The following TET3 variants were observed in gnomAD, a reference collection of about 807,000 sequenced individuals.
TET3 encodes methylcytosine dioxygenase TET3.
A neutral mutation model predicts 141.4 loss-of-function variants in TET3; 19 were observed. The ratio of observed to expected loss-of-function variants is 0.13; its 90% CI spans 0.09 to 0.20. TET3 has a LOEUF of 0.20. Among genes scored for constraint, TET3 ranks in the 10% least tolerant of loss-of-function variants. The probability of loss-of-function intolerance (pLI) is 1.00; values close to 1 mark genes in which losing one functional copy is unlikely to be tolerated. For missense variants in TET3, 1,874 were observed against 2,356.9 expected, an observed-to-expected ratio of 0.80 and a Z score of 4.24; for synonymous variants, 1,043 against 980.9, an observed-to-expected ratio of 1.06 and a Z score of -1.18.
Position 74,058,865 on chromosome 2 carries a change from G to GA in TET3, c.2494+10463dup, listed in dbSNP as rs200470897. ...GGGGTTTTTATGTTTTTAAATGGTT[G>GA]AAAAAAAAAGTCAGTTGAAGAATAA... On this transcript the variant is annotated intron_variant, in intron 4 of 11. Transcript: ENST00000409262. 4.6e-5 allele frequency among the ~76,000 whole-genome samples: 7 copies of GA among 150,742 alleles called. No individual in the cohort carries two copies. In the East Asian group the frequency reaches 7.8e-4, roughly 17 times the overall value.
At chr2:74,005,110 C>A (rs1203754031) in intron 3 of TET3, among the ~76,000 whole-genome samples, 2 of 152,178 alleles carry the variant, frequency 1.3e-5, no homozygotes, top group South Asian at 2.1e-4. Context: ...CTGGCAGACC[C>A]GCTTCTCTTC....
chr2:74,048,687 T>A (rs1463788662), intron 4 of TET3, among the ~76,000 whole-genome samples: 4 of 152,046 alleles, frequency 2.6e-5, no homozygotes, highest in Non-Finnish European at 4.4e-5. Context: ...TTGTAGGAGG[T>A]AGTACTTGCG....
chr2:74,118,807 G>A, the TET3 span, among the ~76,000 whole-genome samples: 4 of 152,116 alleles, frequency 2.6e-5, no homozygotes, highest in African/African-American at 7.2e-5. Context: ...TTGTCTGTAT[G>A]TCCTAAGAAC....
intron 6 of TET3, among the ~76,000 whole-genome samples, chr2:74,085,298 C>T (rs1023908881): frequency 8.5e-5 from 13 of 152,186 alleles, no homozygotes; most frequent in African/African-American, 3.1e-4. Context: ...GGCAATAAGG[C>T]CTGGCCTCCC....
chr2:74,114,018 A>G, the TET3 span, among the ~76,000 whole-genome samples: 1 of 152,362 alleles, frequency 6.6e-6, no homozygotes, highest in African/African-American at 2.4e-5. Flanking sequence ...CAAAAAGAAC[A>G]AATCTGGAGG....
At position 74,093,950 on chromosome 2, in the gene TET3, G is replaced by C. The variant is rs1690656034; in HGVS notation, c.3267+284G>C. On this transcript the variant is annotated intron_variant, in intron 10 of 11. Transcript: ENST00000409262. This position sits in a 1 kb window ranked among gnomAD's most constrained non-coding sequence, Gnocchi z 4.2. ...TGGAGTGCCCAGTTATCTAAAGCGT[G>C]GGCCCCGGTCTCTGTGGACACTTGG... is the stretch of plus-strand genomic sequence containing the variant. Among the ~76,000 whole-genome samples the C allele has an allele frequency of 6.6e-6, 1 of 152,218 alleles. No individual in the cohort carries two copies. Among genetic ancestry groups the C allele is most frequent in the Admixed American group, 6.5e-5 (1 of 15,280 alleles).
At chr2:74,002,795 G>T in intron 2 of TET3, 1 of 568,924 alleles carries the variant, frequency 1.8e-6, no homozygotes, top group Non-Finnish European at 3.1e-6. Flanking sequence ...AGAGGAGGCC[G>T]GCCGAGGTAG....
chr2:74,080,912 G>A (rs941955825), intron 6 of TET3, among the ~76,000 whole-genome samples: 25 of 152,198 alleles, frequency 1.6e-4, no homozygotes, highest in East Asian at 5.8e-4. Flanking sequence ...GCTCAGGGCC[G>A]GAGGGGTAGG....
Position 74,101,227 on chromosome 2 carries a change from T to G in TET3, c.4439T>G (p.Leu1480Arg), listed in dbSNP as rs1401951407. The G allele has an allele frequency of 6.2e-7, 1 of 1,612,938 alleles. No individual in the cohort carries two copies. Among genetic ancestry groups the G allele is most frequent in the East Asian group, 2.2e-5 (1 of 44,852 alleles). The stretch of plus-strand genomic sequence containing the variant: ...CTCAGTTCCTTTGGGGCCAGCTGCC[T>G]GGCCCCTTCCCACTTCACAGATGGC... ...DKLSSFGASC[L>R]APSHFTDGQW... The change falls in exon 12 of 12, where the codon CTG becomes CGG. Residue 1480 changes from leucine to arginine, a missense_variant. Leu to Arg is a moderately radical substitution (Grantham distance 102, BLOSUM62 -2). Transcript: ENST00000409262. The surrounding 1 kb of genome is among the most constrained non-coding windows in gnomAD (Gnocchi z 8.5).
intron 3 of TET3, among the ~76,000 whole-genome samples, chr2:74,023,491 C>T (rs1686171873): frequency 6.6e-6 from 1 of 152,184 alleles, no homozygotes; most frequent in Non-Finnish European, 1.5e-5. Flanking sequence ...GATCGTCCTC[C>T]CTCGGCCTCC....
intron 3 of TET3, among the ~76,000 whole-genome samples, chr2:74,026,215 A>G (rs1412425840): frequency 6.8e-6 from 1 of 147,814 alleles, no homozygotes; most frequent in South Asian, 2.3e-4. Context: ...GGGGGGAGAG[A>G]GGGACTTTGA....
intron 4 of TET3, among the ~76,000 whole-genome samples, chr2:74,062,432 T>C (rs1055246943): frequency 2.0e-5 from 3 of 152,216 alleles, no homozygotes; most frequent in Non-Finnish European, 4.4e-5. Context: ...ACAAAAGATA[T>C]TTACTTAAAC....
the TET3 span, among the ~76,000 whole-genome samples, chr2:74,128,741 T>C: frequency 6.7e-6 from 1 of 150,278 alleles, no homozygotes; most frequent in Non-Finnish European, 1.5e-5. Context: ...CCCAAGACTT[T>C]GGGAGGCCAA....
chr2:74,027,736 C>T (rs1558725098), intron 3 of TET3, among the ~76,000 whole-genome samples: 1 of 152,204 alleles, frequency 6.6e-6, no homozygotes, highest in African/African-American at 2.4e-5. Flanking sequence ...ATTGTATGCA[C>T]AGACCACATT....
At chr2:74,058,379 T>G (rs1346182370) in intron 4 of TET3, among the ~76,000 whole-genome samples, 2 of 152,030 alleles carry the variant, frequency 1.3e-5, no homozygotes, top group African/African-American at 2.4e-5. Context: ...TGAACAAACG[T>G]GAGAGTCAAA....
the TET3 span, chr2:74,130,522 C>A: frequency 6.6e-6 from 1 of 152,402 alleles, no homozygotes; most frequent in Non-Finnish European, 1.5e-5. Context: ...CTGGAGCTCA[C>A]AAGCCACTGC....
intron 3 of TET3, among the ~76,000 whole-genome samples, chr2:74,029,890 A>G (rs1281201298): frequency 2.0e-5 from 3 of 152,222 alleles, no homozygotes; most frequent in Non-Finnish European, 4.4e-5. Flanking sequence ...CACTGTTAAT[A>G]TCAGTTTTCA....
At chr2:74,089,736 G>GGAAACTTGA (rs1690371674) in intron 7 of TET3, among the ~76,000 whole-genome samples, 161 bp from the exon 8 acceptor site, 1 of 152,212 alleles carries the variant, frequency 6.6e-6, no homozygotes, top group Admixed American at 6.5e-5. Context: ...TCCTACTCAA[G>GGAAACTTGA]GAAACTTGAG....
chr2:74,118,648 A>G, the TET3 span, among the ~76,000 whole-genome samples: 2 of 152,148 alleles, frequency 1.3e-5, no homozygotes, highest in Non-Finnish European at 2.9e-5. Flanking sequence ...ATTGTTCAAA[A>G]GTCACATTGT....
Sources: allele counts gnomAD v4.1 joint callset (sites outside exome capture counted in the v4.1 genomes callset), GRCh38; gene constraint gnomAD v4.1.1; non-coding constraint Gnocchi (gnomAD v3.1); transcripts MANE v1.5; gene names NCBI Gene and HGNC (gene_info 2026-07-23, HGNC 2026-07-21).